Variants in INPP5D observed in about 807,000 individuals in gnomAD.
INPP5D encodes phosphatidylinositol 3,4,5-trisphosphate 5-phosphatase 1.
Under a neutral mutation model 122.9 loss-of-function variants are expected in INPP5D, and 33 were observed. The ratio of observed to expected loss-of-function variants is 0.27; its 90% CI spans 0.20 to 0.36. INPP5D has a LOEUF of 0.36. INPP5D is among the 10% of genes least tolerant of loss of function. The pLI is 1.00. For missense variants in INPP5D, 1,053 were observed against 1,412.7 expected (o/e 0.75, Z 4.08); for synonymous variants, 584 against 576.2 (o/e 1.01, Z -0.19).
chr2:233,176,063 C>A (rs1392367630), intron 17 of INPP5D, among the ~76,000 whole-genome samples: 1 of 152,174 alleles, frequency 6.6e-6, no homozygotes, highest in Non-Finnish European at 1.5e-5. Context: ...GAGATAAGCT[C>A]TTTCAGGATG....
chr2:233,180,067 G>T (rs1247952792), intron 18 of INPP5D, among the ~76,000 whole-genome samples: 1 of 152,156 alleles, frequency 6.6e-6, no homozygotes, highest in African/African-American at 2.4e-5. Flanking sequence ...CAGCAGGCCA[G>T]TGCTGGCTTC....
rs1337162365 is a variant in INPP5D, at chr2:233,143,944, GTGGTGA to G, written c.754-2205_754-2200del. On this transcript the variant is annotated intron_variant, in intron 6 of 26. Transcript: ENST00000445964. ...AGGAATGGTGAGGGTGGAGATGGTG[GTGGTGA>G]TGGTGATGGTGAGGGTGGAGATGGT... Among the ~76,000 whole-genome samples the G allele has an allele frequency of 2.6e-4, 40 of 151,612 alleles. No homozygotes were observed. The South Asian group carries it at 5.9e-3, about 22-fold the overall frequency.
At chr2:233,144,518 ATGGTGATGGTGAGGGTGGAGGTGGTGG>A (rs1285488348) in intron 6 of INPP5D, among the ~76,000 whole-genome samples, 14,259 of 100,758 alleles carry the variant, frequency 0.14, 1,166 homozygotes, top group Middle Eastern at 0.28. Context: ...GGTGGTGGTG[ATGGTGATGGTGAGGGTGGAGGTGGTGG>A]TGGTGATGGT....
chr2:233,151,673 C>T (rs901087109), intron 9 of INPP5D, among the ~76,000 whole-genome samples: 2 of 152,216 alleles, frequency 1.3e-5, no homozygotes, highest in Admixed American at 1.3e-4. Flanking sequence ...AGTTCTGTCT[C>T]CCCTCTTTAA....
chr2:233,191,239 G>A (rs1203545092), intron 22 of INPP5D, among the ~76,000 whole-genome samples: 1 of 152,148 alleles, frequency 6.6e-6, no homozygotes, highest in African/African-American at 2.4e-5. Flanking sequence ...CCCATTGATA[G>A]GGGAAGCTCC....
chr2:233,147,089 G>T (rs1693782893), intron 8 of INPP5D, among the ~76,000 whole-genome samples: 1 of 152,146 alleles, frequency 6.6e-6, no homozygotes, highest in Non-Finnish European at 1.5e-5. Context: ...TTCAATCAGT[G>T]GTTGTAACAA....
intron 22 of INPP5D, among the ~76,000 whole-genome samples, chr2:233,192,607 T>A (rs139676273): frequency 7.0e-4 from 106 of 152,360 alleles, no homozygotes; most frequent in Middle Eastern, 3.4e-3. Flanking sequence ...ACTTACTGCA[T>A]CCTCATTTTA....
At chr2:233,108,400 A>G (rs539279536) in intron 2 of INPP5D, among the ~76,000 whole-genome samples, 1 of 152,328 alleles carries the variant, frequency 6.6e-6, no homozygotes, top group South Asian at 2.1e-4. Context: ...CAGTTTCCCC[A>G]TCTGTAAGCT....
At chr2:233,067,947 G>C (rs1691270130) in intron 1 of INPP5D, among the ~76,000 whole-genome samples, 1 of 152,150 alleles carries the variant, frequency 6.6e-6, no homozygotes, top group Non-Finnish European at 1.5e-5. Context: ...TACAGCCCAA[G>C]TCCAGGCATG....
chr2:233,192,823 C>T (rs987115116), intron 22 of INPP5D, among the ~76,000 whole-genome samples: 16 of 152,316 alleles, frequency 1.1e-4, no homozygotes, highest in South Asian at 6.2e-4. Flanking sequence ...TGCTTCTTGG[C>T]GCTTGACACC....
At chr2:233,071,119 C>CA (rs11432238) in intron 1 of INPP5D, among the ~76,000 whole-genome samples, 14,109 of 151,018 alleles carry the variant, frequency 0.093, 784 homozygotes, top group African/African-American at 0.15. Flanking sequence ...ACTAAAGATA[C>CA]AAAAAAAATA....
intron 2 of INPP5D, among the ~76,000 whole-genome samples, chr2:233,079,810 G>A (rs1318392154): frequency 1.3e-5 from 2 of 152,328 alleles, no homozygotes; most frequent in Non-Finnish European, 2.9e-5. Flanking sequence ...GAGGGGCTGC[G>A]AGACTAGCAC....
intron 9 of INPP5D, among the ~76,000 whole-genome samples, chr2:233,152,029 A>G (rs1011699440): frequency 4.6e-5 from 7 of 152,212 alleles, no homozygotes; most frequent in Admixed American, 1.3e-4. Context: ...GTGTGGTTCA[A>G]GAGTGGGTGC....
At chr2:233,109,531 TGATAAAAATA>T (rs1425616810) in intron 2 of INPP5D, among the ~76,000 whole-genome samples, 3 of 152,224 alleles carry the variant, frequency 2.0e-5, no homozygotes, top group African/African-American at 7.2e-5. Context: ...TGTTTTTGTA[TGATAAAAATA>T]GACACTTTTA....
chr2:233,079,698 G>A (rs1405813711), intron 2 of INPP5D, among the ~76,000 whole-genome samples: 1 of 152,196 alleles, frequency 6.6e-6, no homozygotes, highest in Non-Finnish European at 1.5e-5. Flanking sequence ...AGGGGCTGTG[G>A]CTTGGCCGAC....
chr2:233,147,086 A>G (rs36171341), intron 8 of INPP5D, among the ~76,000 whole-genome samples: 74,007 of 152,124 alleles, frequency 0.49, 18,475 homozygotes, highest in South Asian at 0.66. Flanking sequence ...ATGTTCAATC[A>G]GTGGTTGTAA....
intron 1 of INPP5D, among the ~76,000 whole-genome samples, chr2:233,064,935 A>T (rs796625785): frequency 1.2e-4 from 18 of 152,326 alleles, no homozygotes; most frequent in African/African-American, 4.3e-4. Context: ...CATATCTGAT[A>T]TTGACAGTCA....
At chr2:233,202,916 G>A (rs1574808853) in intron 25 of INPP5D, among the ~76,000 whole-genome samples, 1 of 152,176 alleles carries the variant, frequency 6.6e-6, no homozygotes, top group East Asian at 1.9e-4. Context: ...TACTGGCCTT[G>A]GCTTCCCCAG....
chr2:233,103,045 T>C (rs894342755), intron 2 of INPP5D, among the ~76,000 whole-genome samples: 1 of 152,226 alleles, frequency 6.6e-6, no homozygotes, highest in African/African-American at 2.4e-5. Flanking sequence ...GGTGCATGCA[T>C]TTTAAATTGA....
Sources: gnomAD v4.1 joint callset for allele counts (sites outside exome capture counted in the v4.1 genomes callset) on GRCh38, gnomAD v4.1.1 for gene constraint, MANE v1.5 for transcripts, NCBI Gene and HGNC (gene_info 2026-07-23, HGNC 2026-07-21) for gene names.